Variants in GPR158 observed in about 807,000 individuals in gnomAD.
GPR158 encodes G protein-coupled receptor 158.
Under a neutral mutation model 78.2 loss-of-function variants are expected in GPR158, and 30 were observed. That is an observed-to-expected ratio of 0.38 (90% confidence interval 0.29 to 0.52). The LOEUF (loss-of-function observed/expected upper bound fraction) is 0.52. Among genes scored for constraint, GPR158 ranks in the 20% least tolerant of loss-of-function variants. The pLI is 0.83. For missense variants in GPR158, 1,463 were observed against 1,523.5 expected (o/e 0.96, Z 0.66); for synonymous variants, 581 against 591.1 (o/e 0.98, Z 0.25).
rs563098621 is a variant in GPR158 at position 25,371,602 on chromosome 10, G to C, written c.1009-24309G>C. Among the ~76,000 whole-genome samples the C allele has an allele frequency of 2.1e-4, 30 of 144,376 alleles. No homozygotes were observed. The South Asian group carries it at 7.0e-3, about 34-fold the overall frequency. The allele number at this position is 144,376 out of a possible 152,430, so 94.7% of individuals were successfully genotyped here. On this transcript the variant is annotated intron_variant, in intron 2 of 10. Coordinates refer to ENST00000376351, the MANE Select transcript of GPR158 (RefSeq NM_020752.3). ...ACAAACCTGAGAAAAACAAGCAATGGGGAAAGGATTCCCTATTTAATAAAT... is the reference window on the plus strand; with the variant it reads ...ACAAACCTGAGAAAAACAAGCAATGCGGAAAGGATTCCCTATTTAATAAAT...
At chr10:25,409,829 AT>A (rs1485656453) in intron 3 of GPR158, among the ~76,000 whole-genome samples, 1 of 152,222 alleles carries the variant, frequency 6.6e-6, no homozygotes, top group Non-Finnish European at 1.5e-5. Flanking sequence ...CTTTTTAAAA[AT>A]ATCATAATTA....
chr10:25,471,512 T>C (rs1468367445), intron 5 of GPR158, among the ~76,000 whole-genome samples: 2 of 152,192 alleles, frequency 1.3e-5, no homozygotes, highest in South Asian at 2.1e-4. Context: ...GTATTTCTAG[T>C]TCTAGATCCT....
intron 2 of GPR158, among the ~76,000 whole-genome samples, chr10:25,236,549 G>A (rs1853529917): frequency 6.6e-6 from 1 of 152,142 alleles, no homozygotes; most frequent in South Asian, 2.1e-4. Flanking sequence ...TTCTCATTCT[G>A]CAATACCCAA....
chr10:25,473,459 G>A lies in GPR158; in HGVS notation c.1404+6740G>A, dbSNP rs553347854. Among the ~76,000 whole-genome samples the A allele has an allele frequency of 1.1e-3, 161 of 152,244 alleles. 2 individuals carry two copies. Among genetic ancestry groups the A allele is most frequent in the African/African-American group, 3.8e-3 (158 of 41,532 alleles). The stretch of plus-strand genomic sequence containing the variant: ...TGCCCAGCTTTGGTATCAGGATGAT[G>A]CTGGCCTCATAAAATGAGTTAGGGA... On this transcript the variant is annotated intron_variant, in intron 5 of 10. Transcript: ENST00000376351.
At chr10:25,420,441 C>T (rs1359017986) in intron 4 of GPR158, among the ~76,000 whole-genome samples, 1 of 152,180 alleles carries the variant, frequency 6.6e-6, no homozygotes, top group Non-Finnish European at 1.5e-5. Context: ...GCATGAGCCA[C>T]CTTACTTGGC....
At chr10:25,492,779 T>C (rs1835826754) in intron 5 of GPR158, among the ~76,000 whole-genome samples, 1 of 151,762 alleles carries the variant, frequency 6.6e-6, no homozygotes, top group African/African-American at 2.4e-5. Flanking sequence ...TTACAACAAG[T>C]GATAAACAAT....
chr10:25,208,892 A>G (rs1588735811), intron 1 of GPR158, among the ~76,000 whole-genome samples: 1 of 139,188 alleles, frequency 7.2e-6, no homozygotes, highest in South Asian at 2.2e-4. Flanking sequence ...TCTGTTGCCC[A>G]GGCTGGAGTG....
chr10:25,459,749 T>C (rs1403532651), intron 4 of GPR158, among the ~76,000 whole-genome samples: 2 of 152,248 alleles, frequency 1.3e-5, no homozygotes, highest in Non-Finnish European at 2.9e-5. Flanking sequence ...CTTCATCTTA[T>C]GCTTCTATAC....
At chr10:25,388,442 A>G (rs1326989580) in intron 2 of GPR158, among the ~76,000 whole-genome samples, 4 of 152,204 alleles carry the variant, frequency 2.6e-5, no homozygotes, top group African/African-American at 9.7e-5. Context: ...GCTCCCTGCC[A>G]TGTCCCACGG....
chr10:25,546,011 C>T (rs1489898796), intron 5 of GPR158, among the ~76,000 whole-genome samples: 4 of 152,210 alleles, frequency 2.6e-5, no homozygotes, highest in African/African-American at 7.2e-5. Flanking sequence ...GAGTAAATAA[C>T]GTGCAAATAA....
intron 5 of GPR158, among the ~76,000 whole-genome samples, chr10:25,549,130 A>G (rs1450391653): frequency 3.3e-5 from 5 of 152,172 alleles, no homozygotes; most frequent in Non-Finnish European, 7.3e-5. Flanking sequence ...TTTCTAGTGG[A>G]AATATTTGAG....
rs949598490 is a variant in GPR158, at chr10:25,597,772, G to A, written c.2146G>A (p.Asp716Asn). ...TTTGAATTTGCTTTTGTTCTGGCAG[G>A]ACGAGCTGAAAAAACTCTATGCCCA... is the stretch of plus-strand genomic sequence containing the variant. ...EHSLDPEDIR[D>N]ELKKLYAQLE... The change falls in exon 11 of 11, where the codon GAC becomes AAC. Residue 716 changes from aspartate (D) to asparagine (N), a missense_variant and splice_region_variant. Transcript: ENST00000376351. The A allele has an allele frequency of 1.5e-5, 22 of 1,498,542 alleles. No individual in the cohort carries two copies. The highest frequency in any genetic ancestry group is 1.9e-5 in the Non-Finnish European group (21 of 1,124,832). 92.8% of individuals were successfully genotyped at this position (1,498,542 alleles called of 1,614,324 possible).
chr10:25,317,886 G>A (rs370795147), intron 2 of GPR158, among the ~76,000 whole-genome samples: 49 of 152,062 alleles, frequency 3.2e-4, no homozygotes, highest in African/African-American at 1.1e-3. Context: ...GTGCCACCAA[G>A]CCTGGCTAAT....
intron 5 of GPR158, among the ~76,000 whole-genome samples, chr10:25,474,667 A>T (rs1835556691): frequency 6.6e-6 from 1 of 152,130 alleles, no homozygotes; most frequent in Non-Finnish European, 1.5e-5. Flanking sequence ...AGAGTAGGGC[A>T]TGTTTCTGTC....
chr10:25,582,537 C>T lies in GPR158; in HGVS notation c.1754-6470C>T, dbSNP rs563604341. 8.5e-5 allele frequency among the ~76,000 whole-genome samples: 13 copies of T among 152,214 alleles called. No individual in the cohort carries two copies. The East Asian group carries it at 1.3e-3, about 16-fold the overall frequency. On this transcript the variant is annotated intron_variant, in intron 7 of 10. Coordinates refer to ENST00000376351, the MANE Select transcript of GPR158 (RefSeq NM_020752.3). ...CCAGCCTGTAAATGTGTGGCCATTC[C>T]GACAGTTCTGGCCTCAGAGAGCCCC...
intron 3 of GPR158, among the ~76,000 whole-genome samples, chr10:25,398,995 A>G (rs1053409954): frequency 1.3e-5 from 2 of 152,130 alleles, no homozygotes; most frequent in South Asian, 4.1e-4. Context: ...GTATTAGCCC[A>G]TTTTCATGCT....
intron 1 of GPR158, among the ~76,000 whole-genome samples, chr10:25,183,002 G>A (rs1416406458): frequency 1.3e-5 from 2 of 152,192 alleles, no homozygotes; most frequent in Non-Finnish European, 2.9e-5. Context: ...CAGCAGCGTT[G>A]TGAAGCTTTT....
chr10:25,578,882 G>T (rs185198376), intron 7 of GPR158, among the ~76,000 whole-genome samples: 2 of 151,970 alleles, frequency 1.3e-5, no homozygotes. Flanking sequence ...GGTGGCGGGC[G>T]CCTGTAATCC....
intron 3 of GPR158, among the ~76,000 whole-genome samples, chr10:25,409,903 T>A (rs1834562329): frequency 6.6e-6 from 1 of 152,222 alleles, no homozygotes; most frequent in African/African-American, 2.4e-5. Context: ...TTAAATACTA[T>A]TCTATCTTAT....
Sources: allele counts gnomAD v4.1 joint callset (sites outside exome capture counted in the v4.1 genomes callset), GRCh38; gene constraint gnomAD v4.1.1; transcripts MANE v1.5; gene names NCBI Gene and HGNC (gene_info 2026-07-23, HGNC 2026-07-21).